Variants in MXRA7 observed in about 807,000 individuals in gnomAD.
MXRA7 encodes the protein matrix remodeling associated 7, also known as matrix-remodeling-associated protein 7.
A neutral mutation model predicts 17.4 loss-of-function variants in MXRA7; 18 were observed. That is an observed-to-expected ratio of 1.03 (90% confidence interval 0.71 to 1.53). The LOEUF (loss-of-function observed/expected upper bound fraction) is 1.53, where lower values mean the gene tolerates loss of function less well. Among genes scored for constraint, MXRA7 ranks in the 40% most tolerant of loss-of-function variants. The pLI, the probability that MXRA7 is intolerant of heterozygous loss-of-function variation, is 0.00. For missense variants in MXRA7, 141 were observed against 209.3 expected, an observed-to-expected ratio of 0.67 and a Z score of 2.01; for synonymous variants, 70 against 101.7, an observed-to-expected ratio of 0.69 and a Z score of 1.87.
At chr17:76,693,575 G>A (rs1366149842) in intron 1 of MXRA7, among the ~76,000 whole-genome samples, 1 of 152,044 alleles carries the variant, frequency 6.6e-6, no homozygotes. Context: ...GCCAGGTGAG[G>A]TGGCTCACGC....
At chr17:76,682,935 A>G (rs8077912) in intron 3 of MXRA7, among the ~76,000 whole-genome samples, 151,048 of 152,238 alleles carry the variant, frequency 0.99, 74,943 homozygotes, top group Middle Eastern at 1. Context: ...AGAGACCTCC[A>G]AAGATCCAGT....
chr17:76,696,194 AG>A (rs2143650060), intron 1 of MXRA7, among the ~76,000 whole-genome samples: 1 of 152,304 alleles, frequency 6.6e-6, no homozygotes, highest in East Asian at 1.9e-4. Flanking sequence ...TTCATTCCTC[AG>A]GAAGTGAGAA....
Position 76,680,429 on chromosome 17 carries a change from T to G in MXRA7, c.*438A>C. ...TGAGCACAGGTGAGCTCTACCTCAT[T>G]TGTCTCTCATTCCTCAAAGTCTTCT... On this transcript the variant is annotated 3_prime_UTR_variant, in exon 4 of 4. Transcript: ENST00000449428. The G allele has an allele frequency of 1.0e-6, 1 of 988,152 alleles. No homozygotes were observed. Among genetic ancestry groups the G allele is most frequent in the Non-Finnish European group, 1.2e-6 (1 of 831,752 alleles). The allele number at this position is 988,152 out of a possible 1,614,324, so 61.2% of individuals were successfully genotyped here.
chr17:76,685,076 G>C lies in MXRA7; in HGVS notation c.496C>G (p.Gln166Glu), dbSNP rs2076370434. The C allele has an allele frequency of 1.9e-6, 3 of 1,613,592 alleles. No individual in the cohort carries two copies. Among genetic ancestry groups the C allele is most frequent in the Admixed American group, 1.7e-5 (1 of 59,994 alleles). The change falls in exon 3 of 4, where the codon CAG becomes GAG. Residue 166 changes from glutamine (Q) to glutamate (E), a missense_variant. Coordinates refer to ENST00000449428, the MANE Select transcript of MXRA7 (RefSeq NM_198530.4). ...MMTKEELEEE[Q>E]RTEE ...AGCGAAGGGGCTGCAGCCTACCTCTGCTCCTCCTCCAGCTCCTCTTTGGTC... is the reference window on the plus strand; with the variant it reads ...AGCGAAGGGGCTGCAGCCTACCTCTCCTCCTCCTCCAGCTCCTCTTTGGTC...
intron 1 of MXRA7, among the ~76,000 whole-genome samples, chr17:76,691,102 A>C (rs952723352): frequency 9.2e-5 from 14 of 152,206 alleles, no homozygotes; most frequent in South Asian, 2.1e-4. Context: ...CAGCCCCACC[A>C]CCCCCCAGCT....
intron 1 of MXRA7, among the ~76,000 whole-genome samples, chr17:76,702,863 A>ATATACGTATATG (rs1399554559): frequency 6.7e-6 from 1 of 149,316 alleles, no homozygotes; most frequent in South Asian, 2.1e-4. Flanking sequence ...AAATAAATAT[A>ATATACGTATATG]TATATATACG....
At chr17:76,683,462 C>T (rs1169021507) in intron 3 of MXRA7, among the ~76,000 whole-genome samples, 1 of 152,232 alleles carries the variant, frequency 6.6e-6, no homozygotes, top group Non-Finnish European at 1.5e-5. Context: ...CTGCTGTGCA[C>T]TGTGCAGAAG....
chr17:76,677,980 C>G (rs1567974222), downstream of MXRA7, among the ~76,000 whole-genome samples: 2 of 152,146 alleles, frequency 1.3e-5, no homozygotes. Flanking sequence ...GTGCTCTGTG[C>G]CTCAGTTTCC....
chr17:76,678,550 C>T (rs1468613621), downstream of MXRA7, among the ~76,000 whole-genome samples: 5 of 152,180 alleles, frequency 3.3e-5, 1 homozygote, highest in African/African-American at 1.2e-4. Flanking sequence ...GGCACTGCAT[C>T]CTGGCTGCAT....
exon 4 of MXRA7, chr17:76,672,635 G>C (rs907392034): frequency 1.1e-4 from 16 of 152,204 alleles, no homozygotes; most frequent in African/African-American, 3.9e-4. Context: ...GTCCATGAGA[G>C]GGGGAGTGGC....
downstream of MXRA7, chr17:76,677,720 C>A: frequency 6.3e-7 from 1 of 1,593,532 alleles, no homozygotes; most frequent in Non-Finnish European, 8.6e-7. Context: ...GAAGAAAGGA[C>A]AAAGAGGAAG....
rs992187846 is a variant in MXRA7 at position 76,710,479 on chromosome 17, G to A, written c.342+126C>T. 8.0e-5 allele frequency: 63 copies of A among 791,178 alleles called. 1 individual carries two copies. In the African/African-American group the frequency reaches 1.1e-3, roughly 14 times the overall value. 49.0% of individuals were successfully genotyped at this position (791,178 alleles called of 1,614,324 possible). The stretch of plus-strand genomic sequence containing the variant: ...GACCTGCATTTCCTGCGGGCCGCGG[G>A]TTCTGCGCTTCCTGGGGGCAGCCTG... On this transcript the variant is annotated intron_variant, in intron 1 of 3. Transcript: ENST00000449428.
In MXRA7 at chr17:76,683,946, A is replaced by G. The variant is rs746072682; in HGVS notation, c.500+1126T>C. On this transcript the variant is annotated intron_variant, in intron 3 of 3. Coordinates refer to ENST00000449428, the MANE Select transcript of MXRA7 (RefSeq NM_198530.4). ...CTCAATCCTGAAATATAAATGCAGCAAACCTGGTCATGCCAAGCGGCAGCA... is the reference window on the plus strand; with the variant it reads ...CTCAATCCTGAAATATAAATGCAGCGAACCTGGTCATGCCAAGCGGCAGCA... 5 of 1,603,092 alleles carry G rather than the reference A, an allele frequency of 3.1e-6. No individual in the cohort carries two copies. In the African/African-American group the frequency reaches 4.0e-5, roughly 13 times the overall value.
intron 1 of MXRA7, among the ~76,000 whole-genome samples, chr17:76,707,860 G>A (rs759318417): frequency 1.3e-5 from 2 of 152,202 alleles, no homozygotes; most frequent in Non-Finnish European, 2.9e-5. Context: ...GCCGGCTCCT[G>A]TTCTTGACTT....
downstream of MXRA7, chr17:76,675,643 T>G (rs2076234788): frequency 6.6e-6 from 1 of 152,094 alleles, no homozygotes; most frequent in South Asian, 2.1e-4. Flanking sequence ...GAACAGAGAA[T>G]TCTTAAATCA....
chr17:76,694,161 G>A (rs746584716), intron 1 of MXRA7, among the ~76,000 whole-genome samples: 1 of 152,216 alleles, frequency 6.6e-6, no homozygotes, highest in Non-Finnish European at 1.5e-5. Context: ...GACCAGAGCA[G>A]TGAGCTGCCT....
chr17:76,710,841 C>T lies in MXRA7; in HGVS notation c.106G>A (p.Glu36Lys). The change falls in exon 1 of 4, where the codon GAG (glutamate) becomes AAG (lysine). Residue 36 changes from glutamate (E) to lysine (K), a missense_variant. Around this residue, in one of 3 missense-constraint regions of MXRA7, gnomAD observed 72 missense variants for 111.9 expected, o/e 0.64. Transcript: ENST00000449428. ...LVRRGAAASP[E>K]PARAPPEPAP... ...GGTTCCGGGGGCGCGCGGGCAGGCT[C>T]CGGGCTCGCGGCCGCCCCACGCCGC... The T allele has an allele frequency of 1.0e-6, 1 of 969,538 alleles. No individual in the cohort carries two copies. The highest frequency in any genetic ancestry group is 1.2e-6 in the Non-Finnish European group (1 of 818,214). 60.1% of individuals were successfully genotyped at this position (969,538 alleles called of 1,614,324 possible). A position where few individuals can be genotyped will look rare whatever the true frequency, so the allele number is the denominator to read the frequency against.
At chr17:76,688,749 GGAA>G (rs1179164772) in intron 1 of MXRA7, 2 of 1,107,038 alleles carry the variant, frequency 1.8e-6, no homozygotes, top group Non-Finnish European at 2.3e-6. Flanking sequence ...CTTGGTGGAA[GGAA>G]GAAGTGACTT....
chr17:76,709,638 G>A (rs79193652), intron 1 of MXRA7: 4,536 of 153,300 alleles, frequency 0.03, 75 homozygotes, highest in Middle Eastern at 0.05. Flanking sequence ...TGCGCATCCC[G>A]GCTCTCCTCC....
Sources: gnomAD v4.1 joint callset for allele counts (sites outside exome capture counted in the v4.1 genomes callset) on GRCh38, gnomAD v4.1.1 for gene constraint, gnomAD v4.1.1 regional missense constraint, MANE v1.5 for transcripts, NCBI Gene and HGNC (gene_info 2026-07-23, HGNC 2026-07-21) for gene names.